Variants in SYNPR observed in about 807,000 individuals in gnomAD.
SYNPR encodes the protein synaptoporin.
SYNPR carries 23 observed loss-of-function variants against 32.9 expected under a neutral mutation model. The observed-to-expected ratio is 0.70, with a 90% confidence interval of 0.50 to 0.99. The LOEUF is 0.99. SYNPR is among the 50% of genes least tolerant of loss of function. SYNPR has a pLI of 0.00. For missense variants in SYNPR, 318 were observed against 349.3 expected (o/e 0.91, Z 0.71); for synonymous variants, 146 against 135.9 (o/e 1.07, Z -0.52).
chr3:63,503,547 C>G (rs1224957273), intron 3 of SYNPR, among the ~76,000 whole-genome samples: 11 of 151,944 alleles, frequency 7.2e-5, no homozygotes, highest in Admixed American at 5.9e-4. Flanking sequence ...AATCTCAACT[C>G]TTTTTTACTG....
intron 2 of SYNPR, among the ~76,000 whole-genome samples, chr3:63,261,560 C>T (rs1474921554): frequency 9.6e-6 from 1 of 104,194 alleles, no homozygotes; most frequent in Non-Finnish European, 1.7e-5. Flanking sequence ...ACTCTGGGGA[C>T]TGTCATGGGG....
At chr3:63,577,074 G>A (rs1702997755) in intron 4 of SYNPR, among the ~76,000 whole-genome samples, 1 of 152,108 alleles carries the variant, frequency 6.6e-6, no homozygotes, top group Admixed American at 6.6e-5. Flanking sequence ...AAGGTGTAGC[G>A]ATGAAAGGAC....
chr3:63,614,122 T>C (rs1373288391), intron 5 of SYNPR, among the ~76,000 whole-genome samples: 1 of 152,208 alleles, frequency 6.6e-6, no homozygotes, highest in Non-Finnish European at 1.5e-5. Context: ...TCCAGCACCC[T>C]ACTCCAGGAC....
intron 2 of SYNPR, among the ~76,000 whole-genome samples, chr3:63,475,820 T>C (rs1030092736): frequency 2.6e-5 from 4 of 152,076 alleles, no homozygotes; most frequent in Non-Finnish European, 5.9e-5. Flanking sequence ...TTATTCTATC[T>C]TTTCTGTCTC....
the SYNPR span, among the ~76,000 whole-genome samples, chr3:63,219,385 G>A: frequency 2.0e-5 from 3 of 152,188 alleles, no homozygotes; most frequent in African/African-American, 7.2e-5. Flanking sequence ...ATCAGGTTAT[G>A]CTGTGCTTTA....
chr3:63,373,621 G>A (rs543584279), intron 2 of SYNPR, among the ~76,000 whole-genome samples: 2 of 152,150 alleles, frequency 1.3e-5, no homozygotes, highest in Non-Finnish European at 2.9e-5. Flanking sequence ...AACGTTGAAA[G>A]TGATGGGAAG....
chr3:63,506,247 C>T (rs1282807020), intron 3 of SYNPR, among the ~76,000 whole-genome samples: 1 of 152,178 alleles, frequency 6.6e-6, no homozygotes, highest in South Asian at 2.1e-4. Flanking sequence ...GGCCCCAATG[C>T]CATGATTGGA....
At chr3:63,445,471 G>A (rs1185702435) in intron 2 of SYNPR, 1 of 672,752 alleles carries the variant, frequency 1.5e-6, no homozygotes, top group South Asian at 1.6e-5. Context: ...AAGCATTAAA[G>A]ACTTTTGTCA....
At chr3:63,448,669 T>A (rs1020551097) in intron 2 of SYNPR, among the ~76,000 whole-genome samples, 6 of 152,222 alleles carry the variant, frequency 3.9e-5, no homozygotes, top group African/African-American at 1.2e-4. Context: ...GATGTCACTT[T>A]TTTTTTATTT....
intron 2 of SYNPR, among the ~76,000 whole-genome samples, chr3:63,350,213 TACACAC>T (rs67609911): frequency 0.19 from 27,144 of 144,728 alleles, 2,698 homozygotes; most frequent in South Asian, 0.26. Context: ...AATATTATTC[TACACAC>T]ACACACACAC....
chr3:63,420,943 T>C (rs1408908348), intron 2 of SYNPR, among the ~76,000 whole-genome samples: 1 of 152,154 alleles, frequency 6.6e-6, no homozygotes, highest in Non-Finnish European at 1.5e-5. Flanking sequence ...TGCAGTGGCG[T>C]GATCATGGCT....
At chr3:63,501,056 C>A (rs1271039352) in intron 3 of SYNPR, among the ~76,000 whole-genome samples, 4 of 148,682 alleles carry the variant, frequency 2.7e-5, no homozygotes, top group Admixed American at 6.7e-5. Context: ...TGGCCCATGG[C>A]AAATTGTAAA....
At chr3:63,405,994 T>C (rs1022922754) in intron 2 of SYNPR, among the ~76,000 whole-genome samples, 1 of 152,122 alleles carries the variant, frequency 6.6e-6, no homozygotes, top group Non-Finnish European at 1.5e-5. Context: ...GTATATTCAG[T>C]TTATTCTTAC....
intron 1 of SYNPR, among the ~76,000 whole-genome samples, chr3:63,240,261 T>C (rs1472101009): frequency 6.6e-6 from 1 of 152,168 alleles, no homozygotes; most frequent in Non-Finnish European, 1.5e-5. Context: ...CTGCTTTAAC[T>C]TGTAAAGTTA....
intron 4 of SYNPR, among the ~76,000 whole-genome samples, chr3:63,588,691 T>C (rs986105314): frequency 6.6e-5 from 10 of 152,128 alleles, no homozygotes; most frequent in African/African-American, 2.4e-4. Context: ...ATTTTCTATA[T>C]GACATAGTAA....
At chr3:63,576,799 AAAAAAGAAAGAAAG>A (rs1702988922) in intron 4 of SYNPR, among the ~76,000 whole-genome samples, 1 of 151,918 alleles carries the variant, frequency 6.6e-6, no homozygotes, top group Non-Finnish European at 1.5e-5. Context: ...TCAAAAAAAA[AAAAAAGAAAGAAAG>A]AAAAAGAAAA....
the SYNPR span, among the ~76,000 whole-genome samples, chr3:63,206,166 C>T: frequency 1.2e-3 from 182 of 152,160 alleles, no homozygotes; most frequent in Middle Eastern, 0.014. Flanking sequence ...CTTTCTGAGA[C>T]GGGAAAATTC....
chr3:63,374,310 GTT>G (rs1364355697), intron 2 of SYNPR, among the ~76,000 whole-genome samples: 1 of 145,024 alleles, frequency 6.9e-6, no homozygotes, highest in Admixed American at 6.9e-5. Flanking sequence ...ATGTGGTTTT[GTT>G]TTTAGTCCTG....
At chr3:63,334,174 GT>G (rs1189895326) in intron 2 of SYNPR, among the ~76,000 whole-genome samples, 4 of 152,144 alleles carry the variant, frequency 2.6e-5, no homozygotes, top group African/African-American at 9.6e-5. Flanking sequence ...GCTCTTACAT[GT>G]TTTTTTTCTT....
Sources: gnomAD v4.1 joint callset for allele counts (sites outside exome capture counted in the v4.1 genomes callset) on GRCh38, gnomAD v4.1.1 for gene constraint, MANE v1.5 for transcripts, NCBI Gene and HGNC (gene_info 2026-07-23, HGNC 2026-07-21) for gene names.